The following ARMC2 variants were observed in gnomAD, a reference collection of about 807,000 sequenced individuals.
ARMC2 encodes the protein armadillo repeat-containing protein 2.
ARMC2 carries 67 observed loss-of-function variants against 90.3 expected under a neutral mutation model. The ratio of observed to expected loss-of-function variants is 0.74; its 90% CI spans 0.61 to 0.91. The LOEUF (loss-of-function observed/expected upper bound fraction) is 0.91, where lower values mean the gene tolerates loss of function less well. Among genes scored for constraint, ARMC2 ranks in the 40% least tolerant of loss-of-function variants. The pLI is 0.00. For synonymous variants in ARMC2, 393 were observed against 393.0 expected, an observed-to-expected ratio of 1.00 and a Z score of 0.00; for missense variants, 920 against 1,030.9, an observed-to-expected ratio of 0.89 and a Z score of 1.47.
chr6:108,915,317 T>C (rs1322422544), intron 10 of ARMC2, among the ~76,000 whole-genome samples: 2 of 152,014 alleles, frequency 1.3e-5, no homozygotes, highest in Non-Finnish European at 1.5e-5. Context: ...CTTGTGGCTG[T>C]AGTAAGAATA....
intron 8 of ARMC2, among the ~76,000 whole-genome samples, chr6:108,910,593 A>G (rs1289622046): frequency 6.6e-6 from 1 of 152,248 alleles, no homozygotes; most frequent in East Asian, 1.9e-4. Flanking sequence ...ACTCAGAAGA[A>G]AGGAAATCAG....
rs546855572 is a variant in ARMC2, at chr6:108,894,141, G to A, written c.672-326G>A. The stretch of plus-strand genomic sequence containing the variant: ...CTAGCATTTTGGGAGGCTGAGGCAG[G>A]AGGATCACTTGAGACCAGGAATCAC... On this transcript the variant is annotated intron_variant, in intron 5 of 17. Coordinates refer to ENST00000392644, the MANE Select transcript of ARMC2 (RefSeq NM_032131.6). Among the ~76,000 whole-genome samples, 18 of 152,326 alleles carry A rather than the reference G, an allele frequency of 1.2e-4. 1 individual carries two copies. In the South Asian group the frequency reaches 1.5e-3, roughly 12 times the overall value.
At chr6:109,002,231 T>C in the ARMC2 span, 1 of 1,541,754 alleles carries the variant, frequency 6.5e-7, no homozygotes, top group African/African-American at 1.4e-5. Context: ...ATGAAAGCTC[T>C]TCCTTAAAAG....
At chr6:108,951,377 G>C (rs762898488) in intron 12 of ARMC2, among the ~76,000 whole-genome samples, 9 of 152,186 alleles carry the variant, frequency 5.9e-5, no homozygotes, top group Non-Finnish European at 8.8e-5. Flanking sequence ...CCGGGGTGGA[G>C]TCAGGAGCAG....
intron 5 of ARMC2, chr6:108,879,818 AG>A (rs1582994964): frequency 2.3e-6 from 1 of 427,002 alleles, no homozygotes; most frequent in East Asian, 7.0e-5. Flanking sequence ...GTTCTCTCTC[AG>A]CCACTTGATT....
chr6:108,957,935 C>T (rs985245022), intron 13 of ARMC2, among the ~76,000 whole-genome samples: 5 of 152,124 alleles, frequency 3.3e-5, no homozygotes, highest in African/African-American at 9.7e-5. Context: ...CCTTGGCTTC[C>T]GCAGCGTTCT....
At chr6:108,969,877 C>A (rs1377918368) in intron 17 of ARMC2, among the ~76,000 whole-genome samples, 4 of 152,006 alleles carry the variant, frequency 2.6e-5, no homozygotes, top group Non-Finnish European at 5.9e-5. Flanking sequence ...CCCATCTCTA[C>A]TAAAAGTGAA....
rs1778919411 is a variant in ARMC2 at position 108,973,919 on chromosome 6, C to T, written c.*405C>T. 1.3e-5 allele frequency: 2 copies of T among 158,114 alleles called. No individual in the cohort carries two copies. Among genetic ancestry groups the T allele is most frequent in the South Asian group, 3.8e-4 (2 of 5,308 alleles). The allele number at this position is 158,114 out of a possible 1,614,324, so 9.8% of individuals were successfully genotyped here. A position where few individuals can be genotyped will look rare whatever the true frequency, so the allele number is the denominator to read the frequency against. ...AGAAGGGTAGGCAACATGAGTGGAA[C>T]ACGTTACAACATAGGATCTGTACTA... On this transcript the variant is annotated 3_prime_UTR_variant, in exon 18 of 18. Transcript: ENST00000392644.
the ARMC2 span, among the ~76,000 whole-genome samples, chr6:109,010,306 C>A: frequency 0.046 from 7,066 of 152,260 alleles, 304 homozygotes; most frequent in African/African-American, 0.11. Context: ...GGGCCCAGAA[C>A]CCAGATCCCT....
At chr6:108,961,201 GC>G (rs954386565) in intron 13 of ARMC2, among the ~76,000 whole-genome samples, 2 of 152,134 alleles carry the variant, frequency 1.3e-5, no homozygotes, top group African/African-American at 2.4e-5. Flanking sequence ...CCAAGGAGGA[GC>G]CCCTGGGAGA....
chr6:108,899,483 G>A (rs7749085), intron 6 of ARMC2, among the ~76,000 whole-genome samples: 1 of 152,100 alleles, frequency 6.6e-6, no homozygotes, highest in Non-Finnish European at 1.5e-5. Flanking sequence ...TTAAAGTTCT[G>A]ATTTTTTACA....
At chr6:108,951,829 C>T (rs992780938) in intron 12 of ARMC2, among the ~76,000 whole-genome samples, 1 of 152,212 alleles carries the variant, frequency 6.6e-6, no homozygotes, top group African/African-American at 2.4e-5. Context: ...AACAAAGTCA[C>T]GTTTATGGTC....
intron 8 of ARMC2, chr6:108,907,842 T>A: frequency 5.0e-6 from 8 of 1,611,232 alleles, no homozygotes; most frequent in Non-Finnish European, 6.8e-6. Flanking sequence ...TCCAGAAGTT[T>A]CTTGTCCTTC....
chr6:108,990,154 C>T, the ARMC2 span, among the ~76,000 whole-genome samples: 4 of 152,284 alleles, frequency 2.6e-5, no homozygotes, highest in South Asian at 8.3e-4. Context: ...TTCAATGTAA[C>T]ATAGTAACAT....
At chr6:108,884,316 C>T (rs919606997) in intron 5 of ARMC2, among the ~76,000 whole-genome samples, 1 of 152,090 alleles carries the variant, frequency 6.6e-6, no homozygotes, top group East Asian at 1.9e-4. Context: ...ATGTAAGTCC[C>T]CAGACTTACC....
the ARMC2 span, among the ~76,000 whole-genome samples, chr6:109,035,808 A>G: frequency 6.6e-5 from 10 of 152,046 alleles, no homozygotes; most frequent in Admixed American, 2.0e-4. Context: ...GAGTCTTGCT[A>G]TGTTACTTAG....
At chr6:108,949,890 C>T (rs1777057065) in intron 12 of ARMC2, among the ~76,000 whole-genome samples, 1 of 152,180 alleles carries the variant, frequency 6.6e-6, no homozygotes, top group East Asian at 1.9e-4. Context: ...GTCCCAGATG[C>T]TCTCTCAAAC....
At position 108,912,484 on chromosome 6, in the gene ARMC2, T is replaced by G; in HGVS notation, c.1276T>G (p.Leu426Val). ...SKGAVEILIN[L>V]IKQINENIKK... ...AGGTGCTGTGGAAATACTGATAAATTTGATAAAACAAATAAATGAGAACAT... is the reference window on the plus strand; with the variant it reads ...AGGTGCTGTGGAAATACTGATAAATGTGATAAAACAAATAAATGAGAACAT... The change falls in exon 10 of 18, where the codon TTG becomes GTG. Residue 426 changes from leucine (L) to valine (V), a missense_variant. By Grantham distance (32) the Leu-to-Val change is conservative. Transcript: ENST00000392644. 1 of 1,613,974 alleles carries G rather than the reference T, an allele frequency of 6.2e-7. No individual in the cohort carries two copies. Among genetic ancestry groups the G allele is most frequent in the Non-Finnish European group, 8.5e-7 (1 of 1,179,878 alleles).
chr6:108,909,118 A>G (rs1773123476), intron 8 of ARMC2, among the ~76,000 whole-genome samples: 1 of 152,232 alleles, frequency 6.6e-6, no homozygotes, highest in South Asian at 2.1e-4. Flanking sequence ...TTAATAATAA[A>G]CTAATCACCT....
Sources: allele counts gnomAD v4.1 joint callset (sites outside exome capture counted in the v4.1 genomes callset), GRCh38; gene constraint gnomAD v4.1.1; transcripts MANE v1.5; gene names NCBI Gene and HGNC (gene_info 2026-07-23, HGNC 2026-07-21).